WDFY3: variants seen among roughly 807,000 people sequenced by gnomAD.
WDFY3 encodes WD repeat and FYVE domain-containing protein 3.
A neutral mutation model predicts 409.6 loss-of-function variants in WDFY3; 66 were observed. The ratio of observed to expected loss-of-function variants is 0.16; its 90% CI spans 0.13 to 0.20. WDFY3 has a LOEUF of 0.20. WDFY3 is among the 10% of genes least tolerant of loss of function. The pLI, the probability that WDFY3 is intolerant of heterozygous loss-of-function variation, is 1.00. For missense variants in WDFY3, 3,031 were observed against 4,298.1 expected, an observed-to-expected ratio of 0.71 and a Z score of 8.24; for synonymous variants, 1,521 against 1,537.1, an observed-to-expected ratio of 0.99 and a Z score of 0.25.
chr4:84,860,404 G>A lies in WDFY3; in HGVS notation c.180+8C>T, dbSNP rs748537182. 4 of 1,608,562 alleles carry A rather than the reference G, an allele frequency of 2.5e-6. No individual in the cohort carries two copies. The Admixed American group carries it at 6.7e-5, about 27-fold the overall frequency. On this transcript the variant is annotated splice_region_variant and intron_variant, in intron 4 of 67. Coordinates refer to ENST00000295888, the MANE Select transcript of WDFY3 (RefSeq NM_014991.6). The stretch of plus-strand genomic sequence containing the variant: ...CCGGAAGGTGTGTGTCTGGCAACCT[G>A]GACTTACCCTGTTAAACACTGGCAG...
At chr4:84,758,936 G>A (rs1741962371) in intron 32 of WDFY3, among the ~76,000 whole-genome samples, 1 of 152,090 alleles carries the variant, frequency 6.6e-6, no homozygotes, top group Non-Finnish European at 1.5e-5. Context: ...TATGGTTTTA[G>A]GTCTAACGTT....
At chr4:84,724,163 A>G (rs1735278958) in intron 46 of WDFY3, among the ~76,000 whole-genome samples, 1 of 152,264 alleles carries the variant, frequency 6.6e-6, no homozygotes, top group Non-Finnish European at 1.5e-5. Flanking sequence ...CTAAATATCA[A>G]GTGCCACTGA....
intron 67 of WDFY3, among the ~76,000 whole-genome samples, chr4:84,676,119 T>C (rs532868650): frequency 5.3e-5 from 8 of 151,480 alleles, no homozygotes; most frequent in East Asian, 3.9e-4. Flanking sequence ...AAAAAACATA[T>C]ACAAAGTTGA....
At chr4:84,706,142 A>AT (rs1200191025) in intron 53 of WDFY3, among the ~76,000 whole-genome samples, 7 of 152,218 alleles carry the variant, frequency 4.6e-5, no homozygotes, top group African/African-American at 1.7e-4. Flanking sequence ...TCATATATTT[A>AT]AAAGGAAACT....
At position 84,688,137 on chromosome 4, in the gene WDFY3, C is replaced by T; in HGVS notation, c.9492G>A (p.Gln3164=). ...AAACTGGAGCTCGATGCCCTCGAAG[C>T]TGGGTTAGAAATGACAGTTTGTTCA... The part of the protein sequence containing the change: ...WDLNKLSFLT[Q]LRGHRAPVSA... The change falls in exon 62 of 68, where the codon CAG becomes CAA. Residue 3164 remains glutamine, a synonymous_variant. Coordinates refer to ENST00000295888, the MANE Select transcript of WDFY3 (RefSeq NM_014991.6). 6.2e-7 allele frequency: 1 copy of T among 1,614,156 alleles called. No individual in the cohort carries two copies.
Position 84,821,296 on chromosome 4 carries a change from C to T in WDFY3, c.1379G>A (p.Cys460Tyr). The T allele has an allele frequency of 6.2e-7, 1 of 1,613,692 alleles. No homozygotes were observed. The highest frequency in any genetic ancestry group is 8.5e-7 in the Non-Finnish European group (1 of 1,179,818). The change falls in exon 11 of 68, where the codon TGT (cysteine) becomes TAT (tyrosine). Residue 460 changes from cysteine (C) to tyrosine (Y), a missense_variant. This residue lies in a region of WDFY3 where 1,322 missense variants were observed against 1,697.9 expected (regional missense o/e 0.78). Coordinates refer to ENST00000295888, the MANE Select transcript of WDFY3 (RefSeq NM_014991.6). ...GATACTGACACTAATAAGTTCTTTA[C>T]AAGGTATATAATTTAAGCTAAAAAC... ...FVVFSLNYIP[C>Y]KELISVSILL...
intron 36 of WDFY3, among the ~76,000 whole-genome samples, chr4:84,746,579 C>T (rs982503531): frequency 3.3e-5 from 5 of 152,060 alleles, no homozygotes; most frequent in South Asian, 2.1e-4. Context: ...AACTGTTACA[C>T]GAATGATGAG....
chr4:84,728,066 G>A (rs1456101727), intron 44 of WDFY3, among the ~76,000 whole-genome samples: 1 of 151,452 alleles, frequency 6.6e-6, no homozygotes, highest in Non-Finnish European at 1.5e-5. Context: ...AAAAATCACT[G>A]AACAGTACAC....
chr4:84,897,189 T>C (rs187037893), intron 2 of WDFY3, among the ~76,000 whole-genome samples, 179 bp from the exon 3 acceptor site: 348 of 152,220 alleles, frequency 2.3e-3, no homozygotes, highest in African/African-American at 7.9e-3. Context: ...CCACACTCTG[T>C]TCAAATTAAG....
chr4:84,688,040 A>C (rs1213583608), intron 62 of WDFY3, 46 bp downstream of exon 62: 12 of 1,579,860 alleles, frequency 7.6e-6, no homozygotes, highest in African/African-American at 1.3e-5. Context: ...GAGTTTGGCC[A>C]AGACTACTTG....
Position 84,729,230 on chromosome 4 carries a change from AT to A in WDFY3, c.7222-2320del, listed in dbSNP as rs373842178. On this transcript the variant is annotated intron_variant, in intron 44 of 67. Coordinates refer to ENST00000295888, the MANE Select transcript of WDFY3 (RefSeq NM_014991.6). The stretch of plus-strand genomic sequence containing the variant: ...AAAGCCTAGTTAATATTTAAATATA[AT>A]TTTTTTTTAAATGGCAAAATATACA... 3.2e-3 allele frequency among the ~76,000 whole-genome samples: 489 copies of A among 151,446 alleles called. 1 individual carries two copies. The highest frequency in any genetic ancestry group is 1.0e-2 in the African/African-American group (413 of 41,366).
chr4:84,803,496 A>T (rs1235023788), intron 15 of WDFY3, 29 bp from the exon 16 acceptor site: 8 of 1,578,780 alleles, frequency 5.1e-6, no homozygotes, highest in Non-Finnish European at 6.9e-6. Context: ...TAAATTTGGT[A>T]TTGAATTCCA....
intron 2 of WDFY3, among the ~76,000 whole-genome samples, chr4:84,928,196 C>CA (rs1424524281): frequency 6.6e-6 from 1 of 152,210 alleles, no homozygotes; most frequent in South Asian, 2.1e-4. Context: ...CCCTGAACAT[C>CA]AGAGCTCTTT....
chr4:84,890,308 C>A (rs1007834864), intron 3 of WDFY3, among the ~76,000 whole-genome samples: 5 of 152,140 alleles, frequency 3.3e-5, no homozygotes, highest in African/African-American at 1.2e-4. Context: ...CTATGTTGCC[C>A]AGGCTGGTCT....
chr4:84,848,822 G>A (rs765415314), intron 5 of WDFY3, among the ~76,000 whole-genome samples: 7 of 152,080 alleles, frequency 4.6e-5, no homozygotes, highest in East Asian at 1.9e-4. Flanking sequence ...CATGAGAGTC[G>A]TAGATATGTG....
chr4:84,850,297 G>A (rs188564006), intron 4 of WDFY3, among the ~76,000 whole-genome samples: 15 of 150,868 alleles, frequency 9.9e-5, no homozygotes, highest in Middle Eastern at 3.4e-3. Context: ...TCAATCTCAC[G>A]AAAAACATTA....
chr4:84,835,156 C>A (rs116422633), intron 7 of WDFY3, among the ~76,000 whole-genome samples: 3 of 152,230 alleles, frequency 2.0e-5, no homozygotes, highest in Non-Finnish European at 4.4e-5. Flanking sequence ...AAAGTCAGCA[C>A]CTGGTTTTCA....
In WDFY3 at chr4:84,696,827, T is replaced by C. The variant is rs750146333; in HGVS notation, c.8597-4A>G. On this transcript the variant is annotated splice_polypyrimidine_tract_variant and splice_region_variant and intron_variant, in intron 56 of 67. Transcript: ENST00000295888. The stretch of plus-strand genomic sequence containing the variant: ...TTGGTGCCATTTTGTTTACAGCCTA[T>C]GCAATTGGATACATTAAAAATAAAA... 2 of 1,610,994 alleles carry C rather than the reference T, an allele frequency of 1.2e-6. No homozygotes were observed. Among genetic ancestry groups the C allele is most frequent in the Non-Finnish European group, 1.7e-6 (2 of 1,178,164 alleles).
At chr4:84,676,103 T>G (rs1357950196) in intron 67 of WDFY3, among the ~76,000 whole-genome samples, 1 of 151,890 alleles carries the variant, frequency 6.6e-6, no homozygotes, top group Non-Finnish European at 1.5e-5. Flanking sequence ...AACTTGTAGA[T>G]GACAGAAAAA....
Sources: gnomAD v4.1 joint callset for allele counts (sites outside exome capture counted in the v4.1 genomes callset) on GRCh38, gnomAD v4.1.1 for gene constraint, gnomAD v4.1.1 regional missense constraint, MANE v1.5 for transcripts, NCBI Gene and HGNC (gene_info 2026-07-23, HGNC 2026-07-21) for gene names.